The following EPHA6 variants were observed in gnomAD, a reference collection of about 807,000 sequenced individuals.
EPHA6 encodes ephrin type-A receptor 6.
In EPHA6, 50 loss-of-function variants were observed where a neutral mutation model predicts 112.0. That is an observed-to-expected ratio of 0.45 (90% CI 0.36 to 0.56). EPHA6 has a LOEUF of 0.56. Ranked by LOEUF, EPHA6 falls within the 20% of genes least tolerant of loss-of-function variation. The pLI is 0.00. For missense variants in EPHA6, 1,280 were observed against 1,417.4 expected (o/e 0.90, Z 1.56); for synonymous variants, 529 against 490.7 (o/e 1.08, Z -1.03).
chr3:97,595,652 G>GA (rs1198949592), intron 12 of EPHA6, among the ~76,000 whole-genome samples: 7 of 145,194 alleles, frequency 4.8e-5, no homozygotes, highest in Admixed American at 2.8e-4. Context: ...TCTCAAAAAA[G>GA]AAAAAAAAGG....
At chr3:97,194,216 C>G (rs1402997897) in intron 3 of EPHA6, among the ~76,000 whole-genome samples, 2 of 151,592 alleles carry the variant, frequency 1.3e-5, no homozygotes, top group African/African-American at 2.4e-5. Context: ...CTATCAATCT[C>G]TATCTTAGTA....
intron 3 of EPHA6, among the ~76,000 whole-genome samples, chr3:97,144,282 ATTGT>A (rs1258275852): frequency 1.3e-5 from 2 of 151,618 alleles, no homozygotes; most frequent in African/African-American, 4.8e-5. Context: ...TCCTTTTGGA[ATTGT>A]TTATCTCTAT....
chr3:97,729,962 T>C (rs906382778), intron 15 of EPHA6, among the ~76,000 whole-genome samples: 2 of 152,118 alleles, frequency 1.3e-5, no homozygotes, highest in Admixed American at 1.3e-4. Flanking sequence ...CATTCCATTT[T>C]CTAGTGTACA....
intron 3 of EPHA6, among the ~76,000 whole-genome samples, chr3:97,156,464 T>C (rs1273623529): frequency 1.3e-5 from 2 of 152,298 alleles, no homozygotes; most frequent in Non-Finnish European, 2.9e-5. Flanking sequence ...AACAGAGCTA[T>C]TGATCTCAAT....
intron 2 of EPHA6, among the ~76,000 whole-genome samples, chr3:96,881,643 G>A (rs960855383): frequency 2.0e-5 from 3 of 152,112 alleles, no homozygotes; most frequent in African/African-American, 7.2e-5. Context: ...AACCAATCAT[G>A]CCTTCCCAAA....
chr3:96,832,958 T>C (rs1193267762), intron 1 of EPHA6, among the ~76,000 whole-genome samples: 1 of 151,858 alleles, frequency 6.6e-6, no homozygotes, highest in Non-Finnish European at 1.5e-5. Context: ...AGTTATATTA[T>C]CATTATTATA....
chr3:96,966,430 A>C (rs890012836), intron 2 of EPHA6, among the ~76,000 whole-genome samples: 1 of 152,000 alleles, frequency 6.6e-6, no homozygotes, highest in Non-Finnish European at 1.5e-5. Context: ...AGAGACGATG[A>C]CTTAATGATT....
In EPHA6 at chr3:97,626,880, G is replaced by T. The variant is rs572192296; in HGVS notation, c.2575-10993G>T. Among the ~76,000 whole-genome samples the T allele has an allele frequency of 3.9e-5, 6 of 151,908 alleles. No homozygotes were observed. In the East Asian group the frequency reaches 7.8e-4, roughly 20 times the overall value. On this transcript the variant is annotated intron_variant, in intron 13 of 17. Coordinates refer to ENST00000389672, the MANE Select transcript of EPHA6 (RefSeq NM_001080448.3). ...ACCATAATACTAGGTTGATGTTTAAGATTTCTAAAGTGAGGCAGTTTTAGA... is the reference window on the plus strand; with the variant it reads ...ACCATAATACTAGGTTGATGTTTAATATTTCTAAAGTGAGGCAGTTTTAGA...
At chr3:97,152,449 A>G (rs908356409) in intron 3 of EPHA6, among the ~76,000 whole-genome samples, 26 of 149,426 alleles carry the variant, frequency 1.7e-4, no homozygotes, top group African/African-American at 5.8e-4. Flanking sequence ...TATATTAAAT[A>G]TTTTATATTA....
intron 10 of EPHA6, among the ~76,000 whole-genome samples, chr3:97,519,724 T>C (rs2092506345): frequency 6.6e-6 from 1 of 152,138 alleles, no homozygotes; most frequent in Non-Finnish European, 1.5e-5. Flanking sequence ...CTAGATATTT[T>C]ATTTTATACA....
At chr3:97,042,493 A>T (rs894446589) in intron 3 of EPHA6, among the ~76,000 whole-genome samples, 1 of 152,146 alleles carries the variant, frequency 6.6e-6, no homozygotes, top group Non-Finnish European at 1.5e-5. Context: ...ATGCCCTCAT[A>T]CAGTGTGGTT....
At chr3:97,022,816 T>G (rs1485784053) in intron 3 of EPHA6, among the ~76,000 whole-genome samples, 1 of 152,200 alleles carries the variant, frequency 6.6e-6, no homozygotes, top group African/African-American at 2.4e-5. Context: ...ATTTAATCAC[T>G]TTATTCTTGG....
chr3:97,602,008 C>T (rs2093647098), intron 12 of EPHA6, among the ~76,000 whole-genome samples: 2 of 151,984 alleles, frequency 1.3e-5, no homozygotes, highest in South Asian at 4.1e-4. Context: ...ATGATGCTTT[C>T]TACCAAAAGC....
intron 14 of EPHA6, among the ~76,000 whole-genome samples, chr3:97,654,018 C>G (rs1404434507): frequency 1.3e-5 from 2 of 151,716 alleles, no homozygotes; most frequent in Non-Finnish European, 2.9e-5. Flanking sequence ...CCAAAGGGTA[C>G]TAAGTTTTAG....
At chr3:97,490,417 A>T (rs2091810785) in intron 10 of EPHA6, among the ~76,000 whole-genome samples, 1 of 152,194 alleles carries the variant, frequency 6.6e-6, no homozygotes, top group African/African-American at 2.4e-5. Flanking sequence ...TTGATATTTT[A>T]TTTTGAATTG....
chr3:96,825,378 T>C (rs1199323507), intron 1 of EPHA6, among the ~76,000 whole-genome samples: 1 of 151,830 alleles, frequency 6.6e-6, no homozygotes, highest in East Asian at 1.9e-4. Flanking sequence ...TGTATGCTTT[T>C]GTTTATTGAT....
intron 5 of EPHA6, among the ~76,000 whole-genome samples, chr3:97,348,578 A>G (rs2083649118): frequency 6.6e-6 from 1 of 152,084 alleles, no homozygotes; most frequent in Non-Finnish European, 1.5e-5. Context: ...TTGAAAAAGC[A>G]TTTCTTAAGC....
chr3:96,873,858 T>C (rs1228725659), intron 2 of EPHA6, among the ~76,000 whole-genome samples: 2 of 152,142 alleles, frequency 1.3e-5, no homozygotes, highest in Non-Finnish European at 2.9e-5. Flanking sequence ...CATGAGTCTG[T>C]AAAAGAACTG....
At chr3:97,271,450 T>A (rs1320810930) in intron 5 of EPHA6, among the ~76,000 whole-genome samples, 6 of 152,256 alleles carry the variant, frequency 3.9e-5, no homozygotes, top group Admixed American at 3.9e-4. Flanking sequence ...CCTCCGCTCC[T>A]GGGTTCAAGC....
Sources: allele counts gnomAD v4.1 joint callset (sites outside exome capture counted in the v4.1 genomes callset), GRCh38; gene constraint gnomAD v4.1.1; transcripts MANE v1.5; gene names NCBI Gene and HGNC (gene_info 2026-07-23, HGNC 2026-07-21).